EXOSC10: variants seen among roughly 807,000 people sequenced by gnomAD.
The protein encoded by EXOSC10 is exosome component 10.
EXOSC10 carries 94 observed loss-of-function variants against 126.6 expected under a neutral mutation model. The ratio of observed to expected loss-of-function variants is 0.74; its 90% CI spans 0.63 to 0.88. EXOSC10 has a LOEUF of 0.88. Among genes scored for constraint, EXOSC10 ranks in the 40% least tolerant of loss-of-function variants. The pLI is 0.00. For synonymous variants in EXOSC10, 395 were observed against 400.8 expected (o/e 0.99, Z 0.17); for missense variants, 1,041 against 1,100.5 (o/e 0.95, Z 0.77).
At chr1:11,096,939 C>T (rs555551954) in intron 2 of EXOSC10, among the ~76,000 whole-genome samples, 4 of 151,734 alleles carry the variant, frequency 2.6e-5, no homozygotes, top group Admixed American at 6.6e-5. Flanking sequence ...ACTGGCTAGG[C>T]GCAGTGGCTT....
chr1:11,099,861 G>C lies in EXOSC10; in HGVS notation c.-30C>G. On this transcript the variant is annotated 5_prime_UTR_variant, in exon 1 of 25. Transcript: ENST00000376936. ...TCAGCCTGCACGGCTCGTCTCGCGA[G>C]AGCTTGTCGGCCGAGGAGACGGGAC... 2 of 1,575,434 alleles carry C rather than the reference G, an allele frequency of 1.3e-6. No individual in the cohort carries two copies. Among genetic ancestry groups the C allele is most frequent in the Non-Finnish European group, 1.7e-6 (2 of 1,160,304 alleles).
chr1:11,074,780 G>A (rs1639720896), intron 17 of EXOSC10, among the ~76,000 whole-genome samples: 1 of 152,124 alleles, frequency 6.6e-6, no homozygotes, highest in South Asian at 2.1e-4. Flanking sequence ...TATGTATAAG[G>A]TGTTGTGTCT....
chr1:11,087,311 G>C lies in EXOSC10; in HGVS notation c.1089+137C>G, dbSNP rs1640549296. Reference sequence around the variant, plus strand: ...GGGATTTAGAAACAAAAGCCATTTAGCACTGTACCCTAGTTAGGAAATGAC... The same window carrying C: ...GGGATTTAGAAACAAAAGCCATTTACCACTGTACCCTAGTTAGGAAATGAC... On this transcript the variant is annotated intron_variant, in intron 9 of 24. Transcript: ENST00000376936. The C allele has an allele frequency of 6.0e-6, 6 of 1,007,986 alleles. No homozygotes were observed. In the Admixed American group the frequency reaches 1.0e-4, roughly 17 times the overall value. 62.4% of individuals were successfully genotyped at this position (1,007,986 alleles called of 1,614,324 possible). A position where few individuals can be genotyped will look rare whatever the true frequency, so the allele number is the denominator to read the frequency against.
chr1:11,074,437 G>A, intron 17 of EXOSC10, 111 bp from the exon 18 acceptor site: 1 of 726,680 alleles, frequency 1.4e-6, no homozygotes, highest in Non-Finnish European at 2.3e-6. Context: ...TCTGGAGACA[G>A]AGTCTCGCTC....
chr1:11,073,795 T>C, intron 19 of EXOSC10, 139 bp downstream of exon 19: 2 of 649,714 alleles, frequency 3.1e-6, no homozygotes, highest in Non-Finnish European at 5.2e-6. Context: ...GCAGAACTGC[T>C]TGAACCTGGG....
intron 20 of EXOSC10, 108 bp downstream of exon 20, chr1:11,071,979 G>A (rs767924719): frequency 9.7e-5 from 82 of 846,104 alleles, no homozygotes; most frequent in Admixed American, 2.3e-4. Flanking sequence ...CAGAAGGGAA[G>A]CCCCACAGGG....
At chr1:11,081,594 C>T (rs1640170792) in intron 10 of EXOSC10, among the ~76,000 whole-genome samples, 1 of 152,230 alleles carries the variant, frequency 6.6e-6, no homozygotes, top group Non-Finnish European at 1.5e-5. Context: ...ACCCACCTAA[C>T]TTGTGAAATG....
intron 3 of EXOSC10, among the ~76,000 whole-genome samples, chr1:11,092,387 G>T (rs1305557354): frequency 1.3e-5 from 2 of 151,378 alleles, no homozygotes; most frequent in Non-Finnish European, 3.0e-5. Context: ...GCTAATTTTT[G>T]TATTTTTAGT....
chr1:11,074,703 G>A (rs548841195), intron 17 of EXOSC10, among the ~76,000 whole-genome samples: 6 of 151,594 alleles, frequency 4.0e-5, no homozygotes, highest in African/African-American at 1.5e-4. Context: ...GTGAGCCACC[G>A]CACGCACCCG....
chr1:11,090,588 G>A lies in EXOSC10; in HGVS notation c.724C>T (p.His242Tyr), dbSNP rs1487695078. ...DVPPALADFI[H>Y]QQRTQQVEQD... ...TCAACCTGCTGGGTTCTCTGCTGAT[G>A]GATGAAATCAGCCAGTGCAGGGGGG... Residue 242 changes from histidine (H) to tyrosine (Y), a missense_variant, in exon 6 of 25, where the codon CAT (histidine) becomes TAT (tyrosine). By Grantham distance (83) the His-to-Tyr change is moderately conservative. This residue lies in a region of EXOSC10 where 645 missense variants were observed against 656.3 expected (regional missense o/e 0.98). Coordinates refer to ENST00000376936, the MANE Select transcript of EXOSC10 (RefSeq NM_001001998.3). The A allele has an allele frequency of 1.2e-6, 2 of 1,614,130 alleles. No individual in the cohort carries two copies. The highest frequency in any genetic ancestry group is 1.7e-6 in the Non-Finnish European group (2 of 1,179,992).
chr1:11,089,608 C>T (rs1148484), intron 6 of EXOSC10, among the ~76,000 whole-genome samples: 4,784 of 141,746 alleles, frequency 0.034, 241 homozygotes, highest in African/African-American at 0.12. Flanking sequence ...GCAACAAGAG[C>T]GAAACTCCGT....
chr1:11,078,686 T>C (rs1402808037), intron 14 of EXOSC10, among the ~76,000 whole-genome samples: 1 of 152,240 alleles, frequency 6.6e-6, no homozygotes, highest in African/African-American at 2.4e-5. Context: ...TCCTTCTCAG[T>C]GTGTGATTCC....
chr1:11,068,252 G>A (rs970764331), intron 23 of EXOSC10, among the ~76,000 whole-genome samples, 168 bp from the exon 24 acceptor site: 2 of 152,142 alleles, frequency 1.3e-5, no homozygotes, highest in Non-Finnish European at 1.5e-5. Flanking sequence ...GCCAGGATGC[G>A]CTGCAAGAGG....
intron 3 of EXOSC10, among the ~76,000 whole-genome samples, chr1:11,094,765 C>T (rs1266537786): frequency 6.6e-6 from 1 of 152,020 alleles, no homozygotes; most frequent in East Asian, 1.9e-4. Flanking sequence ...CATGGCCTGG[C>T]TAGTTTTTAT....
At position 11,073,758 on chromosome 1, in the gene EXOSC10, G is replaced by A. The variant is rs373290835; in HGVS notation, c.2157+176C>T. ...TAGCCGGGCATGACAGCAGGTGCCT[G>A]TAATCCCAGCTACTTGGGAGGCTGA... On this transcript the variant is annotated intron_variant, in intron 19 of 24. Coordinates refer to ENST00000376936, the MANE Select transcript of EXOSC10 (RefSeq NM_001001998.3). 3.8e-3 allele frequency among the ~76,000 whole-genome samples: 581 copies of A among 150,952 alleles called. 6 individuals carry two copies. Among genetic ancestry groups the A allele is most frequent in the African/African-American group, 0.013 (528 of 41,094 alleles).
At chr1:11,084,085 CAT>C (rs1458639164) in intron 9 of EXOSC10, among the ~76,000 whole-genome samples, 1 of 152,192 alleles carries the variant, frequency 6.6e-6, no homozygotes, top group African/African-American at 2.4e-5. Flanking sequence ...CCGCAATAAA[CAT>C]ATGTGTGCAT....
rs1289297414 is a variant in EXOSC10 at position 11,099,699 on chromosome 1, C to T, written c.111+22G>A. The T allele has an allele frequency of 3.2e-6, 5 of 1,585,456 alleles. No individual in the cohort carries two copies. In the South Asian group the frequency reaches 4.5e-5, roughly 14 times the overall value. On this transcript the variant is annotated intron_variant, in intron 1 of 24. Transcript: ENST00000376936. The stretch of plus-strand genomic sequence containing the variant: ...GGCGGCCGCGGGCGACTCCTGGTAC[C>T]CCCGAGGCCCCGCGAACTCACCTTC...
intron 9 of EXOSC10, among the ~76,000 whole-genome samples, chr1:11,084,498 G>C (rs1286885298): frequency 1.3e-5 from 2 of 152,138 alleles, no homozygotes; most frequent in Non-Finnish European, 2.9e-5. Context: ...AAATTTGTTT[G>C]AGTTCATTGT....
At chr1:11,091,363 T>C in intron 4 of EXOSC10, 130 bp downstream of exon 4, 4 of 964,792 alleles carry the variant, frequency 4.1e-6, no homozygotes, top group Non-Finnish European at 6.2e-6. Flanking sequence ...TGTGTATGTT[T>C]ATGAGAACAA....
Sources: gnomAD v4.1 joint callset for allele counts (sites outside exome capture counted in the v4.1 genomes callset) on GRCh38, gnomAD v4.1.1 for gene constraint, gnomAD v4.1.1 regional missense constraint, MANE v1.5 for transcripts, NCBI Gene and HGNC (gene_info 2026-07-23, HGNC 2026-07-21) for gene names.